RAB11FIP3: variants seen among roughly 807,000 people sequenced by gnomAD.
RAB11FIP3 encodes RAB11 family interacting protein 3.
Under a neutral mutation model 77.8 loss-of-function variants are expected in RAB11FIP3, and 17 were observed. That is an observed-to-expected ratio of 0.22 (90% CI 0.15 to 0.33). The LOEUF (loss-of-function observed/expected upper bound fraction) is 0.33, where lower values mean the gene tolerates loss of function less well. Ranked by LOEUF, RAB11FIP3 falls within the 10% of genes least tolerant of loss-of-function variation. RAB11FIP3 has a pLI of 1.00. For synonymous variants in RAB11FIP3, 437 were observed against 448.2 expected (o/e 0.98, Z 0.31); for missense variants, 1,005 against 1,011.2 (o/e 0.99, Z 0.08).
intron 1 of RAB11FIP3, among the ~76,000 whole-genome samples, chr16:431,507 G>C (rs2055035862): frequency 6.6e-6 from 1 of 151,980 alleles, no homozygotes; most frequent in African/African-American, 2.4e-5. Flanking sequence ...AGTCTCCTGA[G>C]TAGCTTGGAC....
chr16:476,442 C>G (rs915129379), intron 3 of RAB11FIP3, among the ~76,000 whole-genome samples: 1 of 152,136 alleles, frequency 6.6e-6, no homozygotes, highest in Non-Finnish European at 1.5e-5. Context: ...CCCCACTGCC[C>G]GGACCTCCCT....
intron 10 of RAB11FIP3, among the ~76,000 whole-genome samples, chr16:519,540 C>T (rs878981697): frequency 3.3e-5 from 5 of 152,256 alleles, no homozygotes; most frequent in African/African-American, 1.2e-4. Flanking sequence ...AAACGGCCCT[C>T]GTGGCCTGCG....
Position 519,964 on chromosome 16 carries a change from C to T in RAB11FIP3, c.1860+73C>T, listed in dbSNP as rs71378517. The T allele has an allele frequency of 3.0e-4, 464 of 1,524,922 alleles. 1 individual carries two copies. Among genetic ancestry groups the T allele is most frequent in the Admixed American group, 5.1e-4 (25 of 49,250 alleles). The allele number at this position is 1,524,922 out of a possible 1,614,324, so 94.5% of individuals were successfully genotyped here. On this transcript the variant is annotated intron_variant, in intron 11 of 13. Coordinates refer to ENST00000262305, the MANE Select transcript of RAB11FIP3 (RefSeq NM_014700.4). ...CACGGGGAGCCTTTGTTTCCTGAGA[C>T]GCTAGCTCTTGGCTGTGCTGCTTTG...
intron 2 of RAB11FIP3, among the ~76,000 whole-genome samples, chr16:463,463 A>T (rs2055651835): frequency 2.1e-5 from 2 of 96,952 alleles, no homozygotes; most frequent in Non-Finnish European, 1.9e-5. Flanking sequence ...TTTGAGACAG[A>T]GTTTTGCTCT....
Position 510,697 on chromosome 16 carries a change from C to G in RAB11FIP3, c.1537C>G (p.Leu513Val). ...ALEEQLKEQE[L>V]RACEMVLEET... ...GGAGGAGCAGCTGAAGGAGCAGGAG[C>G]TGAGAGCCTGCGAGATGGTCCTGGA... The change falls in exon 9 of 14, where the codon CTG (leucine) becomes GTG (valine). Residue 513 changes from leucine to valine, a missense_variant. Leu to Val is a conservative substitution (Grantham distance 32). This residue lies in a region of RAB11FIP3 where 433 missense variants were observed against 436.1 expected (regional missense o/e 0.99). Transcript: ENST00000262305. 6.2e-7 allele frequency: 1 copy of G among 1,612,058 alleles called. No individual in the cohort carries two copies. The highest frequency in any genetic ancestry group is 8.5e-7 in the Non-Finnish European group (1 of 1,179,440).
At chr16:501,319 C>T (rs928528783) in intron 6 of RAB11FIP3, among the ~76,000 whole-genome samples, 13 of 149,578 alleles carry the variant, frequency 8.7e-5, no homozygotes, top group African/African-American at 2.7e-4. Context: ...GGGAGAGGGT[C>T]CCCCCATTTC....
intron 2 of RAB11FIP3, among the ~76,000 whole-genome samples, chr16:465,694 G>C (rs1314451921): frequency 4.0e-5 from 6 of 150,744 alleles, no homozygotes; most frequent in Non-Finnish European, 1.5e-5. Flanking sequence ...ACTGCAACTT[G>C]CGTCTCCCAG....
intron 1 of RAB11FIP3, among the ~76,000 whole-genome samples, chr16:430,361 G>A (rs1455375335): frequency 6.6e-6 from 1 of 152,126 alleles, no homozygotes. Context: ...AGTCACTTAA[G>A]CAGTTGCGTT....
intron 1 of RAB11FIP3, among the ~76,000 whole-genome samples, chr16:437,055 C>T (rs375715452): frequency 6.6e-6 from 1 of 152,066 alleles, no homozygotes; most frequent in South Asian, 2.1e-4. Context: ...GAGGGTGAAT[C>T]ACCTGAGGTC....
At chr16:468,353 G>A (rs1234026009) in intron 2 of RAB11FIP3, among the ~76,000 whole-genome samples, 1 of 151,934 alleles carries the variant, frequency 6.6e-6, no homozygotes, top group Non-Finnish European at 1.5e-5. Context: ...TTGGACACAT[G>A]GCCTCTGGGG....
chr16:499,795 CAAAAA>C (rs11319631), intron 6 of RAB11FIP3, among the ~76,000 whole-genome samples: 1 of 53,964 alleles, frequency 1.9e-5, no homozygotes, highest in Admixed American at 2.0e-4. Context: ...AAGACTGTCT[CAAAAA>C]AAAAAAAAAA....
chr16:474,866 G>T (rs1596246373), intron 3 of RAB11FIP3: 1 of 1,458,744 alleles, frequency 6.9e-7, no homozygotes, highest in East Asian at 2.5e-5. Flanking sequence ...GCGTGTCTGG[G>T]AGCAGGTTAA....
intron 9 of RAB11FIP3, among the ~76,000 whole-genome samples, chr16:516,127 A>G (rs1225643799): frequency 1.3e-5 from 2 of 152,180 alleles, no homozygotes; most frequent in East Asian, 1.9e-4. Flanking sequence ...CCTGGTCTCA[A>G]TCATCAGTTT....
rs2031911177 is a variant in RAB11FIP3 at position 507,073 on chromosome 16, G to T, written c.1499+1446G>T. On this transcript the variant is annotated intron_variant, in intron 8 of 13. Coordinates refer to ENST00000262305, the MANE Select transcript of RAB11FIP3 (RefSeq NM_014700.4). This position sits in a 1 kb window ranked among gnomAD's most constrained non-coding sequence, Gnocchi z 4.6. ...AAGCGACCCGCCTCCCTCAGCCTTCGATGTAGCTGGGACTACAGGTGTGCA... is the reference window on the plus strand; with the variant it reads ...AAGCGACCCGCCTCCCTCAGCCTTCTATGTAGCTGGGACTACAGGTGTGCA... Among the ~76,000 whole-genome samples the T allele has an allele frequency of 6.6e-6, 1 of 151,442 alleles. No individual in the cohort carries two copies. The highest frequency in any genetic ancestry group is 1.5e-5 in the Non-Finnish European group (1 of 67,934).
At chr16:492,309 C>A (rs369287200) in intron 5 of RAB11FIP3, among the ~76,000 whole-genome samples, 2 of 138,060 alleles carry the variant, frequency 1.4e-5, no homozygotes, top group African/African-American at 5.8e-5. Flanking sequence ...TCTGGAGCAT[C>A]GGGGGTCTTG....
rs778601206 is a variant in RAB11FIP3 at position 428,619 on chromosome 16, A to G, written c.714+1899A>G. Among the ~76,000 whole-genome samples the G allele has an allele frequency of 2.6e-5, 4 of 152,142 alleles. No individual in the cohort carries two copies. In the East Asian group the frequency reaches 7.7e-4, roughly 29 times the overall value. Reference sequence around the variant, plus strand: ...TTTACAGGTAAGAAACTGGAAACCCAGAAAGGTCAGATAGCTCTCCCAAGG... The same window carrying G: ...TTTACAGGTAAGAAACTGGAAACCCGGAAAGGTCAGATAGCTCTCCCAAGG... On this transcript the variant is annotated intron_variant, in intron 1 of 13. Coordinates refer to ENST00000262305, the MANE Select transcript of RAB11FIP3 (RefSeq NM_014700.4).
At chr16:493,542 C>T (rs984878182) in intron 5 of RAB11FIP3, among the ~76,000 whole-genome samples, 1 of 152,214 alleles carries the variant, frequency 6.6e-6, no homozygotes, top group African/African-American at 2.4e-5. Flanking sequence ...TCCAGGTACC[C>T]TGCAGCCTCT....
chr16:426,167 G>A lies in RAB11FIP3; in HGVS notation c.161G>A (p.Gly54Asp). 1 of 1,015,546 alleles carries A rather than the reference G, an allele frequency of 9.8e-7. No homozygotes were observed. The highest frequency in any genetic ancestry group is 1.2e-6 in the Non-Finnish European group (1 of 851,446). The allele number at this position is 1,015,546 out of a possible 1,614,324, so 62.9% of individuals were successfully genotyped here. Residue 54 changes from glycine (G) to aspartate (D), a missense_variant, in exon 1 of 14, where the codon GGC becomes GAC. Gly to Asp is a moderately conservative substitution (Grantham distance 94). Around this residue, in one of 4 missense-constraint regions of RAB11FIP3, gnomAD observed 466 missense variants for 408.3 expected, o/e 1.14. Transcript: ENST00000262305. The surrounding 1 kb of genome is among the most constrained non-coding windows in gnomAD (Gnocchi z 5.0). ...GGCGGCCCCGACCCGCAGTCCCCGG[G>A]CCTGGATGAGCCTGCGCCCGGGGCC... ...PVGGPDPQSPGLDEPAPGAAA... is the reference protein window; with the variant it reads ...PVGGPDPQSPDLDEPAPGAAA...
intron 5 of RAB11FIP3, among the ~76,000 whole-genome samples, chr16:495,285 C>T (rs946964317): frequency 1.3e-5 from 2 of 152,020 alleles, no homozygotes; most frequent in South Asian, 4.1e-4. Flanking sequence ...GGGCAGAGCC[C>T]CCCAGCTACA....
Sources: gnomAD v4.1 joint callset for allele counts (sites outside exome capture counted in the v4.1 genomes callset) on GRCh38, gnomAD v4.1.1 for gene constraint, gnomAD v4.1.1 regional missense constraint, Gnocchi (gnomAD v3.1) non-coding constraint, MANE v1.5 for transcripts, NCBI Gene and HGNC (gene_info 2026-07-23, HGNC 2026-07-21) for gene names.